IPO5: variants seen among roughly 807,000 people sequenced by gnomAD.
IPO5 encodes importin-5.
IPO5 carries 18 observed loss-of-function variants against 143.3 expected under a neutral mutation model. The ratio of observed to expected loss-of-function variants is 0.13; its 90% confidence interval spans 0.09 to 0.19. The LOEUF (loss-of-function observed/expected upper bound fraction) is 0.19, where lower values mean the gene tolerates loss of function less well. IPO5 is among the 10% of genes least tolerant of loss of function. The pLI is 1.00. For missense variants in IPO5, 1,013 were observed against 1,336.9 expected, an observed-to-expected ratio of 0.76 and a Z score of 3.78; for synonymous variants, 477 against 465.7, an observed-to-expected ratio of 1.02 and a Z score of -0.31.
chr13:98,010,791 T>TTTTTTTTTTTTTTTTTTTTTTTTTTTTG, intron 20 of IPO5, among the ~76,000 whole-genome samples: 1 of 133,458 alleles, frequency 7.5e-6, no homozygotes, highest in African/African-American at 3.1e-5. Flanking sequence ...TTTTTTTTTT[T>TTTTTTTTTTTTTTTTTTTTTTTTTTTTG]TTTTTTTGAG....
At chr13:98,021,267 G>A in intron 28 of IPO5, 134 bp downstream of exon 28, 1 of 709,402 alleles carries the variant, frequency 1.4e-6, no homozygotes, top group Non-Finnish European at 2.2e-6. Context: ...TTGTCTCCAA[G>A]CCTCAAATGG....
At chr13:98,007,005 A>C (rs553605502) in intron 17 of IPO5, among the ~76,000 whole-genome samples, 1 of 151,216 alleles carries the variant, frequency 6.6e-6, no homozygotes, top group Admixed American at 6.6e-5. Flanking sequence ...AGCTGAGATT[A>C]CAGGCACCTG....
At chr13:97,987,027 G>A (rs1303054552) in intron 6 of IPO5, 11 of 163,786 alleles carry the variant, frequency 6.7e-5, no homozygotes, top group Admixed American at 5.7e-4. Flanking sequence ...GGTTGGTCAC[G>A]TGGTCACCCA....
chr13:98,006,264 T>C lies in IPO5; in HGVS notation c.1632T>C (p.Asn544=). ...FMPSLKHIVE[N]AVQKELRLLR... is the part of the protein sequence containing the mutation. ...CATCACTGAAGCACATCGTTGAGAA[T>C]GCGGTTCAAAAAGAACTGAGACTTC... is the stretch of plus-strand genomic sequence containing the variant. The change falls in exon 17 of 29, where the codon AAT becomes AAC. Residue 544 remains asparagine (N), a synonymous_variant. Coordinates refer to ENST00000651721, the MANE Select transcript of IPO5 (RefSeq NM_002271.6). 4 of 1,612,730 alleles carry C rather than the reference T, an allele frequency of 2.5e-6. No individual in the cohort carries two copies. Among genetic ancestry groups the C allele is most frequent in the Non-Finnish European group, 3.4e-6 (4 of 1,179,770 alleles).
intron 25 of IPO5, 99 bp downstream of exon 25, chr13:98,016,950 G>C: frequency 1.2e-6 from 1 of 864,534 alleles, no homozygotes; most frequent in Non-Finnish European, 1.7e-6. Flanking sequence ...ATGGGTCTCA[G>C]AAATGATTGT....
chr13:98,008,171 T>A, intron 18 of IPO5, 29 bp downstream of exon 18: 1 of 1,315,844 alleles, frequency 7.6e-7, no homozygotes. Flanking sequence ...TTTGCTTTGA[T>A]CCGCTAATGA....
At chr13:97,966,353 T>C (rs1885336060) in intron 2 of IPO5, among the ~76,000 whole-genome samples, 1 of 152,136 alleles carries the variant, frequency 6.6e-6, no homozygotes, top group Non-Finnish European at 1.5e-5. Context: ...AGGGATTGGA[T>C]TCTGTGAAAA....
chr13:97,954,805 TTTC>T (rs1305520035), intron 2 of IPO5, among the ~76,000 whole-genome samples: 1 of 152,202 alleles, frequency 6.6e-6, no homozygotes, highest in Middle Eastern at 3.2e-3. Flanking sequence ...ACAGTTTTGC[TTTC>T]TTCCGTCATT....
intron 26 of IPO5, among the ~76,000 whole-genome samples, chr13:98,019,183 A>G (rs1273791696): frequency 1.3e-5 from 2 of 151,918 alleles, no homozygotes; most frequent in Non-Finnish European, 2.9e-5. Flanking sequence ...CGATCTCCTG[A>G]CCTCGTGATC....
chr13:97,982,564 A>G lies in IPO5; in HGVS notation c.152A>G (p.Asn51Ser). Residue 51 changes from asparagine to serine, a missense_variant, in exon 5 of 29, where the codon AAT (asparagine) becomes AGT (serine). By Grantham distance (46) the Asn-to-Ser change is conservative. Transcript: ENST00000651721. ...ACATTCCTCTTACAAGCCATCAGAA[A>G]TACAACAGCTGCTGAAGAGGTACTA... ...KITFLLQAIR[N>S]TTAAEEARQM... 6.2e-7 allele frequency: 1 copy of G among 1,607,906 alleles called. No individual in the cohort carries two copies. Among genetic ancestry groups the G allele is most frequent in the Non-Finnish European group, 8.5e-7 (1 of 1,174,396 alleles).
intron 2 of IPO5, among the ~76,000 whole-genome samples, chr13:97,966,054 T>C (rs1434737975): frequency 6.9e-6 from 1 of 145,938 alleles, no homozygotes; most frequent in Non-Finnish European, 1.5e-5. Flanking sequence ...GGCAGGAGAA[T>C]CGCTTGAACC....
intron 17 of IPO5, among the ~76,000 whole-genome samples, chr13:98,006,618 C>T (rs1178793653): frequency 3.3e-5 from 5 of 151,642 alleles, no homozygotes; most frequent in Admixed American, 1.3e-4. Context: ...TCGTGATCCG[C>T]CCGCCTCGGC....
At chr13:98,001,444 G>A (rs1386929914) in intron 13 of IPO5, among the ~76,000 whole-genome samples, 1 of 152,142 alleles carries the variant, frequency 6.6e-6, no homozygotes, top group African/African-American at 2.4e-5. Context: ...TCCTGCCCTA[G>A]CCTCCTGAGT....
chr13:98,012,739 G>A (rs1889806567), intron 21 of IPO5, among the ~76,000 whole-genome samples: 1 of 151,130 alleles, frequency 6.6e-6, no homozygotes, highest in Admixed American at 6.6e-5. Context: ...AGGACGCACT[G>A]AAACCACAAC....
At chr13:97,994,785 G>C (rs1323127804) in intron 11 of IPO5, among the ~76,000 whole-genome samples, 1 of 152,174 alleles carries the variant, frequency 6.6e-6, no homozygotes, top group East Asian at 1.9e-4. Context: ...TGTAGGAGAA[G>C]ATCCGCTCAC....
chr13:98,019,763 G>A lies in IPO5; in HGVS notation c.3019G>A (p.Glu1007Lys), dbSNP rs777102044. Reference sequence around the variant, plus strand: ...TTGGCTTCCACTACATGAAGATAAAGAAGAAGCTGTTCAGACTTTCAATTA... The same window carrying A: ...TTGGCTTCCACTACATGAAGATAAAAAAGAAGCTGTTCAGACTTTCAATTA... ...LSWLPLHEDK[E>K]EAVQTFNYLC... Residue 1007 changes from glutamate (E) to lysine (K), a missense_variant, in exon 27 of 29, where the codon GAA (glutamate) becomes AAA (lysine). Glu to Lys is a moderately conservative substitution (Grantham distance 56). This residue lies in a region of IPO5 where 685 missense variants were observed against 994.9 expected (regional missense o/e 0.69). Coordinates refer to ENST00000651721, the MANE Select transcript of IPO5 (RefSeq NM_002271.6). 3 of 1,614,044 alleles carry A rather than the reference G, an allele frequency of 1.9e-6. No homozygotes were observed. The highest frequency in any genetic ancestry group is 2.5e-6 in the Non-Finnish European group (3 of 1,179,920).
chr13:98,004,891 T>TTTTAG (rs1555309830), intron 16 of IPO5, among the ~76,000 whole-genome samples: 1 of 151,650 alleles, frequency 6.6e-6, no homozygotes, highest in Non-Finnish European at 1.5e-5. Context: ...TTTTATTTTA[T>TTTTAG]TTTATTTATT....
At chr13:97,965,195 TG>T (rs1885219914) in intron 2 of IPO5, among the ~76,000 whole-genome samples, 1 of 150,504 alleles carries the variant, frequency 6.6e-6, no homozygotes, top group African/African-American at 2.5e-5. Context: ...TGTCGGGGGG[TG>T]GGGGACAAGG....
chr13:98,021,290 G>A (rs1890469429), intron 28 of IPO5, 157 bp downstream of exon 28: 9 of 582,880 alleles, frequency 1.5e-5, no homozygotes, highest in Non-Finnish European at 2.5e-5. Context: ...TATACTTAAT[G>A]TAATCCATCC....
Sources: allele counts gnomAD v4.1 joint callset (sites outside exome capture counted in the v4.1 genomes callset), GRCh38; gene constraint gnomAD v4.1.1; regional missense constraint gnomAD v4.1.1; transcripts MANE v1.5; gene names NCBI Gene and HGNC (gene_info 2026-07-23, HGNC 2026-07-21).